The following CSMD3 variants were observed in gnomAD, a reference collection of about 807,000 sequenced individuals.
The protein encoded by CSMD3 is CUB and sushi domain-containing protein 3.
Under a neutral mutation model 435.2 loss-of-function variants are expected in CSMD3, and 177 were observed. That is an observed-to-expected ratio of 0.41 (90% CI 0.36 to 0.46). CSMD3 has a LOEUF of 0.46. Among genes scored for constraint, CSMD3 ranks in the 20% least tolerant of loss-of-function variants. CSMD3 has a pLI of 0.34. For synonymous variants in CSMD3, 1,656 were observed against 1,520.5 expected (o/e 1.09, Z -2.07); for missense variants, 4,265 against 4,504.6 (o/e 0.95, Z 1.52).
chr8:113,209,127 T>C (rs1341587116), intron 3 of CSMD3, among the ~76,000 whole-genome samples: 1 of 152,112 alleles, frequency 6.6e-6, no homozygotes, highest in African/African-American at 2.4e-5. Context: ...TAGTAATATT[T>C]CAAAGGAACA....
intron 31 of CSMD3, among the ~76,000 whole-genome samples, chr8:112,485,449 G>A (rs1224307976): frequency 1.3e-5 from 2 of 152,028 alleles, no homozygotes; most frequent in East Asian, 1.9e-4. Flanking sequence ...CAATGGCTCA[G>A]TATATTAGAT....
At chr8:112,547,770 T>G (rs1827315355) in intron 27 of CSMD3, among the ~76,000 whole-genome samples, 1 of 151,998 alleles carries the variant, frequency 6.6e-6, no homozygotes, top group Non-Finnish European at 1.5e-5. Context: ...AAAGAAGGTT[T>G]GGTGATGGAA....
At chr8:112,858,699 T>C (rs1351117335) in intron 11 of CSMD3, among the ~76,000 whole-genome samples, 1 of 151,888 alleles carries the variant, frequency 6.6e-6, no homozygotes, top group African/African-American at 2.4e-5. Flanking sequence ...TCTTTATTAG[T>C]GCAGAGCACA....
chr8:112,498,465 T>C (rs1563621160), intron 30 of CSMD3, among the ~76,000 whole-genome samples: 1 of 152,136 alleles, frequency 6.6e-6, no homozygotes, highest in Non-Finnish European at 1.5e-5. Context: ...ATAGGTTTTA[T>C]CTCAATTGCT....
chr8:112,309,502 A>T, intron 50 of CSMD3, among the ~76,000 whole-genome samples: 1 of 152,112 alleles, frequency 6.6e-6, no homozygotes, highest in Middle Eastern at 3.4e-3. Context: ...GACATCAAAG[A>T]TTCTTTCCCA....
chr8:112,334,660 T>C (rs1041585312), intron 45 of CSMD3, among the ~76,000 whole-genome samples: 2 of 152,166 alleles, frequency 1.3e-5, no homozygotes, highest in African/African-American at 2.4e-5. Flanking sequence ...ATACAACCAA[T>C]TGAGGATTAA....
At chr8:113,011,710 A>G (rs1412009950) in intron 6 of CSMD3, among the ~76,000 whole-genome samples, 1 of 151,818 alleles carries the variant, frequency 6.6e-6, no homozygotes, top group Non-Finnish European at 1.5e-5. Context: ...ATCGTTCTTG[A>G]TTAATTTAAT....
chr8:112,302,011 G>A, intron 52 of CSMD3, 45 bp from the exon 53 acceptor site: 2 of 1,322,938 alleles, frequency 1.5e-6, no homozygotes, highest in Non-Finnish European at 1.1e-6. Flanking sequence ...ATATAGTCAA[G>A]CTGCACTTGT....
chr8:112,835,081 T>A (rs549805624), intron 11 of CSMD3, among the ~76,000 whole-genome samples: 1 of 151,990 alleles, frequency 6.6e-6, no homozygotes, highest in African/African-American at 2.4e-5. Flanking sequence ...TTAAAACATT[T>A]AATCTACTAA....
In CSMD3 at chr8:113,394,624, A is replaced by G. The variant is rs137906632; in HGVS notation, c.178+42053T>C. ...TTTAGTGCATCAAAGGAAAATTATA[A>G]GACAATTCTACAAAATAGTTTATAA... On this transcript the variant is annotated intron_variant, in intron 1 of 70. Transcript: ENST00000297405. Among the ~76,000 whole-genome samples, 229 of 152,242 alleles carry G rather than the reference A, an allele frequency of 1.5e-3. 4 individuals are homozygous for G. In the East Asian group the frequency reaches 0.041, roughly 28 times the overall value.
intron 38 of CSMD3, among the ~76,000 whole-genome samples, chr8:112,359,981 T>C (rs1047871396): frequency 2.0e-5 from 3 of 152,108 alleles, no homozygotes; most frequent in Non-Finnish European, 4.4e-5. Flanking sequence ...CCCTGTGTAT[T>C]AATCTTACTT....
At chr8:113,248,378 G>A (rs1013953086) in intron 3 of CSMD3, among the ~76,000 whole-genome samples, 1 of 148,640 alleles carries the variant, frequency 6.7e-6, no homozygotes. Context: ...AGAGATTTTA[G>A]TATATAATAT....
At chr8:113,315,450 C>A (rs1588500672) in intron 1 of CSMD3, among the ~76,000 whole-genome samples, 1 of 151,802 alleles carries the variant, frequency 6.6e-6, no homozygotes, top group African/African-American at 2.4e-5. Flanking sequence ...GGATCTTGGA[C>A]AACTGACAGC....
intron 29 of CSMD3, 68 bp from the exon 30 acceptor site, chr8:112,504,045 C>G (rs2130917906): frequency 1.0e-6 from 1 of 971,568 alleles, no homozygotes; most frequent in South Asian, 1.4e-5. Context: ...GGCTGTTAAC[C>G]ATAATAGTTA....
chr8:113,225,397 C>T (rs771418578), intron 3 of CSMD3, among the ~76,000 whole-genome samples: 16 of 151,374 alleles, frequency 1.1e-4, no homozygotes, highest in Non-Finnish European at 2.1e-4. Context: ...GTCAGATGTC[C>T]CATTTCTTTT....
chr8:112,292,862 A>G, intron 54 of CSMD3, 152 bp from the exon 55 acceptor site: 1 of 699,858 alleles, frequency 1.4e-6, no homozygotes, highest in Non-Finnish European at 2.5e-6. Context: ...TACATTTACT[A>G]ATGTAGATGA....
intron 25 of CSMD3, 118 bp from the exon 26 acceptor site, chr8:112,552,838 C>A: frequency 2.3e-6 from 2 of 863,664 alleles, no homozygotes; most frequent in Non-Finnish European, 3.6e-6. Context: ...TTAAAGTATA[C>A]ATTTGTATAA....
intron 32 of CSMD3, among the ~76,000 whole-genome samples, chr8:112,416,926 G>T (rs540972923): frequency 6.6e-6 from 1 of 152,192 alleles, no homozygotes; most frequent in African/African-American, 2.4e-5. Context: ...TTCAGCTTTG[G>T]TTTAAACCTG....
At chr8:113,173,690 C>T (rs2131889356) in intron 4 of CSMD3, 32 bp downstream of exon 4, 2 of 1,522,106 alleles carry the variant, frequency 1.3e-6, no homozygotes, top group Non-Finnish European at 1.8e-6. Flanking sequence ...TGGCTGATAA[C>T]AACTCTCATT....
Sources: allele counts gnomAD v4.1 joint callset (sites outside exome capture counted in the v4.1 genomes callset), GRCh38; gene constraint gnomAD v4.1.1; transcripts MANE v1.5; gene names NCBI Gene and HGNC (gene_info 2026-07-23, HGNC 2026-07-21).